Variants in PDZD2 observed in about 807,000 individuals in gnomAD.
The protein encoded by PDZD2 is PDZ domain-containing protein 2.
A neutral mutation model predicts 220.7 loss-of-function variants in PDZD2; 90 were observed. The ratio of observed to expected loss-of-function variants is 0.41; its 90% CI spans 0.34 to 0.49. The LOEUF is 0.49. Ranked by LOEUF, PDZD2 falls within the 20% of genes least tolerant of loss-of-function variation. The pLI is 0.28. For missense variants in PDZD2, 3,174 were observed against 3,608.5 expected (o/e 0.88, Z 3.08); for synonymous variants, 1,375 against 1,450.5 (o/e 0.95, Z 1.18).
chr5:32,004,259 T>C (rs1752635889), intron 5 of PDZD2, among the ~76,000 whole-genome samples: 1 of 151,996 alleles, frequency 6.6e-6, no homozygotes, highest in Admixed American at 6.6e-5. Flanking sequence ...GCCAGGTGGT[T>C]TTAGTTCTTT....
intron 2 of PDZD2, among the ~76,000 whole-genome samples, chr5:31,891,170 T>C (rs1413318428): frequency 2.9e-5 from 4 of 138,018 alleles, no homozygotes; most frequent in Non-Finnish European, 4.6e-5. Flanking sequence ...GGAGTCTCGC[T>C]CTGTCGCCCA....
intron 2 of PDZD2, among the ~76,000 whole-genome samples, chr5:31,945,849 A>C (rs1196251755): frequency 6.6e-6 from 1 of 152,042 alleles, no homozygotes; most frequent in Non-Finnish European, 1.5e-5. Flanking sequence ...TATTTCTGCT[A>C]TTCCTACTCT....
At chr5:31,855,131 C>A (rs1367933817) in intron 2 of PDZD2, 1 of 984,610 alleles carries the variant, frequency 1.0e-6, no homozygotes, top group Non-Finnish European at 1.2e-6. Flanking sequence ...CCAGGAGCTC[C>A]GGAGAGGAAC....
chr5:31,798,709 A>G (rs552794363), intron 1 of PDZD2, among the ~76,000 whole-genome samples, 180 bp from the exon 2 acceptor site: 1 of 152,226 alleles, frequency 6.6e-6, no homozygotes, highest in East Asian at 1.9e-4. Context: ...GAGAGAAGGG[A>G]GTGTCCATAC....
At chr5:31,924,322 T>C (rs1744550843) in intron 2 of PDZD2, among the ~76,000 whole-genome samples, 1 of 152,232 alleles carries the variant, frequency 6.6e-6, no homozygotes, top group African/African-American at 2.4e-5. Context: ...AGGTGGACTG[T>C]GCTAGAATGT....
chr5:31,884,232 C>T (rs1310231502), intron 2 of PDZD2, among the ~76,000 whole-genome samples: 4 of 132,140 alleles, frequency 3.0e-5, no homozygotes, highest in Non-Finnish European at 6.8e-5. Flanking sequence ...TGCATGCATG[C>T]ATACATACAT....
Position 32,052,636 on chromosome 5 carries a change from C to T in PDZD2, c.1691C>T (p.Thr564Ile), listed in dbSNP as rs753280499. 2.5e-6 allele frequency: 4 copies of T among 1,613,454 alleles called. No homozygotes were observed. Among genetic ancestry groups the T allele is most frequent in the Non-Finnish European group, 3.4e-6 (4 of 1,179,388 alleles). ...GAATACCACATTGTGAAGAAGTCTA[C>T]CCGCTCCTTAAGCACGACTCAGGTG... is the stretch of plus-strand genomic sequence containing the variant. ...SQEYHIVKKS[T>I]RSLSTTQVES... Residue 564 changes from threonine (T) to isoleucine (I), a missense_variant, in exon 9 of 25, where the codon ACC (threonine) becomes ATC (isoleucine). By Grantham distance (89) the Thr-to-Ile change is moderately conservative. Transcript: ENST00000438447.
chr5:31,680,426 G>A (rs1264640897), intron 1 of PDZD2, among the ~76,000 whole-genome samples: 5 of 152,134 alleles, frequency 3.3e-5, no homozygotes, highest in Non-Finnish European at 7.4e-5. Context: ...TAAAATTTCC[G>A]AGACCAACTG....
intron 6 of PDZD2, among the ~76,000 whole-genome samples, chr5:32,018,313 A>G (rs1753930315): frequency 6.6e-6 from 1 of 152,136 alleles, no homozygotes; most frequent in Admixed American, 6.5e-5. Flanking sequence ...GGCTTCTAAG[A>G]GTCTCCCAGC....
intron 1 of PDZD2, among the ~76,000 whole-genome samples, chr5:31,664,521 C>A (rs569242229): frequency 6.6e-5 from 10 of 151,966 alleles, no homozygotes; most frequent in African/African-American, 2.2e-4. Context: ...CACAGAAATA[C>A]ATGCACACAC....
chr5:32,106,781 G>A (rs1744803694), intron 24 of PDZD2, among the ~76,000 whole-genome samples: 1 of 152,118 alleles, frequency 6.6e-6, no homozygotes, highest in Non-Finnish European at 1.5e-5. Flanking sequence ...AAATATAATT[G>A]GTTCTTTGGT....
rs1384619031 is a variant in PDZD2 at position 31,683,222 on chromosome 5, A to AG, written c.-361+43785_-361+43786insG. On this transcript the variant is annotated intron_variant, in intron 1 of 24. Coordinates refer to ENST00000438447, the MANE Select transcript of PDZD2 (RefSeq NM_178140.4). The stretch of plus-strand genomic sequence containing the variant: ...ATCAGAATGTTAAAAAAAAAAAAAA[A>AG]AAAGAAAGAAAGAAAAGAAAACGAA... Among the ~76,000 whole-genome samples, 142 of 148,624 alleles carry AG rather than the reference A, an allele frequency of 9.6e-4. No individual in the cohort carries two copies. The South Asian group carries it at 0.018, about 19-fold the overall frequency.
intron 1 of PDZD2, among the ~76,000 whole-genome samples, chr5:31,777,146 G>A (rs7709546): frequency 0.48 from 72,861 of 151,470 alleles, 18,291 homozygotes; most frequent in Middle Eastern, 0.53. Context: ...TGGCGCTCGC[G>A]GGGCAGCGTG....
At chr5:31,734,928 TATCACA>T (rs1749760946) in intron 1 of PDZD2, among the ~76,000 whole-genome samples, 1 of 152,194 alleles carries the variant, frequency 6.6e-6, no homozygotes, top group African/African-American at 2.4e-5. Flanking sequence ...TAAATGACAA[TATCACA>T]ATTCCTCGAG....
intron 2 of PDZD2, among the ~76,000 whole-genome samples, chr5:31,921,526 A>G (rs1744254007): frequency 6.6e-6 from 1 of 151,784 alleles, no homozygotes; most frequent in Admixed American, 6.6e-5. Context: ...TCTTCCAAAA[A>G]TACAAAAAAA....
intron 2 of PDZD2, among the ~76,000 whole-genome samples, chr5:31,956,954 G>A (rs368515840): frequency 2.0e-5 from 3 of 152,132 alleles, no homozygotes; most frequent in East Asian, 1.9e-4. Context: ...GCAGTGACAC[G>A]ATCATACCTC....
At chr5:31,904,302 AT>A (rs1353347645) in intron 2 of PDZD2, among the ~76,000 whole-genome samples, 1 of 152,164 alleles carries the variant, frequency 6.6e-6, no homozygotes, top group Non-Finnish European at 1.5e-5. Context: ...GTCAACAGTC[AT>A]TCAATAAACA....
intron 1 of PDZD2, among the ~76,000 whole-genome samples, chr5:31,715,521 A>G (rs1375448606): frequency 2.6e-5 from 4 of 152,248 alleles, no homozygotes; most frequent in Non-Finnish European, 5.9e-5. Flanking sequence ...AAGCTGGATG[A>G]CATCTTAAAG....
At position 32,090,612 on chromosome 5, in the gene PDZD2, AGC is replaced by A. The variant is rs1743031309; in HGVS notation, c.7165_7166del (p.Ala2389SerfsTer46). ...GGAGCCTGGGCCACCCAGGTGACGCAGCAGCAAGGTTGTTGAGACGCAGCTTG... is the reference window on the plus strand; with the variant it reads ...GGAGCCTGGGCCACCCAGGTGACGCAAGCAAGGTTGTTGAGACGCAGCTTG... ...SGSLGHPGDA[A>X]ARLLRRSLSS... On this transcript the variant is annotated frameshift_variant, in exon 20 of 25. Transcript: ENST00000438447. LOFTEE classifies it high-confidence loss of function. This position sits in a 1 kb window ranked among gnomAD's most constrained non-coding sequence, Gnocchi z 4.3. 6.2e-7 allele frequency: 1 copy of A among 1,613,722 alleles called. No homozygotes were observed. The highest frequency in any genetic ancestry group is 1.3e-5 in the African/African-American group (1 of 74,918).
Sources: gnomAD v4.1 joint callset for allele counts (sites outside exome capture counted in the v4.1 genomes callset) on GRCh38, gnomAD v4.1.1 for gene constraint, Gnocchi (gnomAD v3.1) non-coding constraint, MANE v1.5 for transcripts, NCBI Gene and HGNC (gene_info 2026-07-23, HGNC 2026-07-21) for gene names.